LRRC9: variants seen among roughly 807,000 people sequenced by gnomAD.
The protein encoded by LRRC9 is leucine-rich repeat-containing protein 9.
A neutral mutation model predicts 63.2 loss-of-function variants in LRRC9; 122 were observed. The ratio of observed to expected loss-of-function variants is 1.93; its 90% CI spans 1.67 to 2.24. LRRC9 has a LOEUF of 2.24. Ranked by LOEUF, LRRC9 falls within the 30% of genes most tolerant of loss-of-function variation. The pLI is 0.00. For synonymous variants in LRRC9, 366 were observed against 213.1 expected (o/e 1.72, Z -6.25); for missense variants, 1,071 against 627.7 (o/e 1.71, Z -7.55).
rs1196832276 is a variant in LRRC9, at chr14:59,919,788, A to T, written c.-129A>T. On this transcript the variant is annotated 5_prime_UTR_variant, in exon 1 of 32. Transcript: ENST00000445360. This position sits in a 1 kb window ranked among gnomAD's most constrained non-coding sequence, Gnocchi z 4.5. ...CAGGACCCGAGAGCTAAAGATAATGAATGGGAGAGAGCGAGACTGGAGGAG... is the reference window on the plus strand; with the variant it reads ...CAGGACCCGAGAGCTAAAGATAATGTATGGGAGAGAGCGAGACTGGAGGAG... 6.6e-6 allele frequency: 1 copy of T among 152,434 alleles called. No homozygotes were observed. The highest frequency in any genetic ancestry group is 2.4e-5 in the African/African-American group (1 of 41,462). 9.4% of individuals were successfully genotyped at this position (152,434 alleles called of 1,614,324 possible).
intron 31 of LRRC9, 32 bp from the exon 32 acceptor site, chr14:60,061,979 T>G (rs569553113): frequency 5.0e-6 from 2 of 398,730 alleles, no homozygotes; most frequent in East Asian, 3.6e-5. Context: ...TTCATAATTT[T>G]AATTTTTCAA....
rs1566889380 is a variant in LRRC9, at chr14:60,028,112, T to G, written c.3921+11T>G. ...TATAATAAAATCCAGGTAACATTAT[T>G]ATTTTTTTATTATGGGATTTACAAG... On this transcript the variant is annotated intron_variant, in intron 28 of 31. Transcript: ENST00000445360. 1 of 680,974 alleles carries G rather than the reference T, an allele frequency of 1.5e-6. No individual in the cohort carries two copies. The highest frequency in any genetic ancestry group is 2.6e-6 in the Non-Finnish European group (1 of 377,374). 42.2% of individuals were successfully genotyped at this position (680,974 alleles called of 1,614,324 possible).
At chr14:59,974,061 T>G (rs1006155968) in intron 12 of LRRC9, among the ~76,000 whole-genome samples, 1 of 152,086 alleles carries the variant, frequency 6.6e-6, no homozygotes, top group South Asian at 2.1e-4. Flanking sequence ...AAGCAAGTAA[T>G]GTGAACATTA....
Position 60,001,027 on chromosome 14 carries a change from A to G in LRRC9, c.2530-939A>G, listed in dbSNP as rs140596297. Among the ~76,000 whole-genome samples, 460 of 152,296 alleles carry G rather than the reference A, an allele frequency of 3.0e-3. 4 individuals are homozygous for G. Among genetic ancestry groups the G allele is most frequent in the African/African-American group, 0.011 (439 of 41,568 alleles). On this transcript the variant is annotated intron_variant, in intron 19 of 31. Transcript: ENST00000445360. ...TCAAGAAAATGAACATTAAAAACAC[A>G]ATGACCTACCAATTTTTGCCAGTTT...
At chr14:59,926,540 T>C (rs1306329477) in intron 1 of LRRC9, among the ~76,000 whole-genome samples, 1 of 152,158 alleles carries the variant, frequency 6.6e-6, no homozygotes, top group African/African-American at 2.4e-5. Flanking sequence ...TATTTTCAAA[T>C]TGAACATAAC....
rs986110171 is a variant in LRRC9, at chr14:60,058,660, T to C, written c.4276+638T>C. Among the ~76,000 whole-genome samples the C allele has an allele frequency of 2.0e-5, 3 of 152,150 alleles. No homozygotes were observed. Among genetic ancestry groups the C allele is most frequent in the African/African-American group, 7.2e-5 (3 of 41,442 alleles). ...TTTCTGGTTATCATTTTGGCAAAAC[T>C]GGGGGTAAGTACTCCTTCTCTGAGG... is the stretch of plus-strand genomic sequence containing the variant. On this transcript the variant is annotated intron_variant, in intron 31 of 31. Coordinates refer to ENST00000445360, the Ensembl canonical transcript of LRRC9. The surrounding 1 kb of genome is among the most constrained non-coding windows in gnomAD (Gnocchi z 4.4).
At position 59,964,355 on chromosome 14, in the gene LRRC9, C is replaced by T. The variant is rs535396637; in HGVS notation, c.1212-2234C>T. ...CACTGCTCTTGAAGCAAACGCAGTA[C>T]TCCACCACATAAGTGGTTTTGTTTG... On this transcript the variant is annotated intron_variant, in intron 10 of 31. Coordinates refer to ENST00000445360, the Ensembl canonical transcript of LRRC9. The surrounding 1 kb of genome is among the most constrained non-coding windows in gnomAD (Gnocchi z 4.4). Among the ~76,000 whole-genome samples the T allele has an allele frequency of 7.9e-5, 12 of 152,298 alleles. No individual in the cohort carries two copies. The South Asian group carries it at 2.5e-3, about 32-fold the overall frequency.
intron 17 of LRRC9, among the ~76,000 whole-genome samples, chr14:59,987,038 C>G (rs1411970616): frequency 1.3e-5 from 2 of 152,016 alleles, no homozygotes; most frequent in African/African-American, 4.8e-5. Flanking sequence ...AACACAGATA[C>G]AGAGAATTAC....
At chr14:60,056,980 G>C (rs1456455882) in intron 30 of LRRC9, among the ~76,000 whole-genome samples, 1 of 152,176 alleles carries the variant, frequency 6.6e-6, no homozygotes, top group African/African-American at 2.4e-5. Flanking sequence ...CCAGATTAGT[G>C]ATGGGAAGAA....
chr14:59,938,335 G>A lies in LRRC9; in HGVS notation c.544-55G>A, dbSNP rs914155998. On this transcript the variant is annotated intron_variant, in intron 6 of 31. Coordinates refer to ENST00000445360, the Ensembl canonical transcript of LRRC9. This position sits in a 1 kb window ranked among gnomAD's most constrained non-coding sequence, Gnocchi z 4.2. ...GGCTGATCTTAGGTGTTCAAATACT[G>A]CCTTTAGAAATGACAGTCACAATTA... is the stretch of plus-strand genomic sequence containing the variant. 5.0e-6 allele frequency: 3 copies of A among 605,846 alleles called. No homozygotes were observed. The highest frequency in any genetic ancestry group is 5.9e-6 in the Non-Finnish European group (2 of 338,156). 37.5% of individuals were successfully genotyped at this position (605,846 alleles called of 1,614,324 possible).
At chr14:60,043,724 C>G (rs967776889) in intron 29 of LRRC9, among the ~76,000 whole-genome samples, 6 of 141,994 alleles carry the variant, frequency 4.2e-5, no homozygotes, top group Non-Finnish European at 9.1e-5. Context: ...CATCTATATT[C>G]ATCAGTGAGC....
intron 17 of LRRC9, among the ~76,000 whole-genome samples, chr14:59,996,871 C>T (rs1479176341): frequency 6.6e-6 from 1 of 152,156 alleles, no homozygotes; most frequent in Non-Finnish European, 1.5e-5. Context: ...GAGAATAATT[C>T]TCACGGATGT....
chr14:59,928,574 G>T, intron 3 of LRRC9, 88 bp downstream of exon 3: 1 of 520,862 alleles, frequency 1.9e-6, no homozygotes, highest in Non-Finnish European at 3.3e-6. Context: ...ATATGCATAA[G>T]GCATGGGTTA....
chr14:59,926,262 T>C (rs1889201608), intron 1 of LRRC9, among the ~76,000 whole-genome samples: 1 of 152,222 alleles, frequency 6.6e-6, no homozygotes, highest in African/African-American at 2.4e-5. Flanking sequence ...ATTGCTCTTT[T>C]TGTAGCACTG....
intron 8 of LRRC9, 41 bp downstream of exon 8, chr14:59,944,785 A>G (rs1459135445): frequency 6.6e-6 from 4 of 608,110 alleles, no homozygotes; most frequent in Admixed American, 3.2e-5. Flanking sequence ...CCATACCTTA[A>G]GAAAACCGTT....
intron 7 of LRRC9, among the ~76,000 whole-genome samples, chr14:59,939,116 CAT>C (rs35937352): frequency 2.0e-5 from 3 of 147,786 alleles, no homozygotes; most frequent in African/African-American, 4.9e-5. Context: ...CATATATATA[CAT>C]ATATATAAAT....
chr14:60,002,866 T>G (rs969881772), intron 20 of LRRC9, among the ~76,000 whole-genome samples: 2 of 152,118 alleles, frequency 1.3e-5, no homozygotes, highest in African/African-American at 4.8e-5. Context: ...GAAAGCAAAC[T>G]TTAAAGGCTC....
chr14:60,009,716 T>C (rs1489244252), intron 23 of LRRC9, among the ~76,000 whole-genome samples: 2 of 152,178 alleles, frequency 1.3e-5, no homozygotes, highest in Non-Finnish European at 2.9e-5. Flanking sequence ...AAGTCCCTTC[T>C]GCCTATGAGC....
rs10550604 is a variant in LRRC9 at position 60,004,881 on chromosome 14, T to TAC, written c.2842+1106_2842+1107dup. Reference sequence around the variant, plus strand: ...AAAGAGAAATATGTATATGTGTGTATACACACACACACACACACACACACT... The same window carrying TAC: ...AAAGAGAAATATGTATATGTGTGTATACACACACACACACACACACACACACT... On this transcript the variant is annotated intron_variant, in intron 21 of 31. Coordinates refer to ENST00000445360, the Ensembl canonical transcript of LRRC9. The surrounding 1 kb of genome is among the most constrained non-coding windows in gnomAD (Gnocchi z 4.8). Among the ~76,000 whole-genome samples the TAC allele has an allele frequency of 0.037, 5,564 of 150,320 alleles. 128 individuals are homozygous for TAC. Among genetic ancestry groups the TAC allele is most frequent in the African/African-American group, 0.058 (2,392 of 41,096 alleles).
Sources: allele counts gnomAD v4.1 joint callset (sites outside exome capture counted in the v4.1 genomes callset), GRCh38; gene constraint gnomAD v4.1.1; non-coding constraint Gnocchi (gnomAD v3.1); transcripts MANE v1.5; gene names NCBI Gene and HGNC (gene_info 2026-07-23, HGNC 2026-07-21).